Variants in HS6ST3 observed in about 807,000 individuals in gnomAD.
HS6ST3 encodes heparan sulfate 6-O-sulfotransferase 3.
In HS6ST3, 12 loss-of-function variants were observed where a neutral mutation model predicts 36.7. That is an observed-to-expected ratio of 0.33 (90% CI 0.21 to 0.53). The LOEUF (loss-of-function observed/expected upper bound fraction) is 0.53. HS6ST3 is among the 20% of genes least tolerant of loss of function. The pLI is 0.95. For synonymous variants in HS6ST3, 240 were observed against 257.5 expected, an observed-to-expected ratio of 0.93 and a Z score of 0.65; for missense variants, 584 against 640.9, an observed-to-expected ratio of 0.91 and a Z score of 0.96.
intron 1 of HS6ST3, among the ~76,000 whole-genome samples, chr13:96,233,076 A>G (rs910007213): frequency 7.9e-5 from 12 of 152,182 alleles, no homozygotes; most frequent in African/African-American, 2.2e-4. Context: ...TGATTGATAC[A>G]TTGCCTTTTT....
chr13:96,373,170 A>T (rs2055298348), intron 1 of HS6ST3, among the ~76,000 whole-genome samples: 1 of 152,174 alleles, frequency 6.6e-6, no homozygotes, highest in Admixed American at 6.5e-5. Context: ...CATGGGATTT[A>T]AATCCTACTT....
chr13:96,493,505 A>T (rs1418404338), intron 1 of HS6ST3, among the ~76,000 whole-genome samples: 2 of 152,164 alleles, frequency 1.3e-5, no homozygotes. Context: ...TGCAAGATCA[A>T]TGTTATCTTT....
intron 1 of HS6ST3, among the ~76,000 whole-genome samples, chr13:96,102,128 G>T (rs2053821303): frequency 6.6e-6 from 1 of 151,980 alleles, no homozygotes; most frequent in Admixed American, 6.6e-5. Context: ...GTTCCTTATT[G>T]TGCCTTCTGT....
At chr13:96,607,526 G>T (rs1437404298) in intron 1 of HS6ST3, among the ~76,000 whole-genome samples, 1 of 152,140 alleles carries the variant, frequency 6.6e-6, no homozygotes, top group Non-Finnish European at 1.5e-5. Context: ...ATAGTTACTT[G>T]TAGAGCTTAA....
chr13:96,296,820 A>G (rs923500669), intron 1 of HS6ST3, among the ~76,000 whole-genome samples: 2 of 152,056 alleles, frequency 1.3e-5, no homozygotes, highest in African/African-American at 4.8e-5. Flanking sequence ...ATTTCCACCA[A>G]TTTTGCTATA....
intron 1 of HS6ST3, among the ~76,000 whole-genome samples, chr13:96,342,417 A>G (rs1333753139): frequency 6.6e-6 from 1 of 152,158 alleles, no homozygotes; most frequent in African/African-American, 2.4e-5. Flanking sequence ...ATGTGTTGGG[A>G]GTTGAGCTGA....
chr13:96,316,430 A>G (rs1402235087), intron 1 of HS6ST3, among the ~76,000 whole-genome samples: 1 of 152,176 alleles, frequency 6.6e-6, no homozygotes, highest in African/African-American at 2.4e-5. Context: ...GCTCAGCTCC[A>G]TTGCCTCCCT....
chr13:96,346,457 C>T (rs939055614), intron 1 of HS6ST3, among the ~76,000 whole-genome samples: 3 of 151,858 alleles, frequency 2.0e-5, no homozygotes, highest in African/African-American at 7.3e-5. Context: ...GCCTGTAGTC[C>T]TAGCTACATT....
intron 1 of HS6ST3, among the ~76,000 whole-genome samples, chr13:96,556,494 T>G (rs1171480800): frequency 6.6e-6 from 1 of 152,176 alleles, no homozygotes; most frequent in Non-Finnish European, 1.5e-5. Flanking sequence ...AGAAACTCCT[T>G]CTTGGAAATT....
chr13:96,310,603 C>G (rs928314304), intron 1 of HS6ST3, among the ~76,000 whole-genome samples: 1 of 148,734 alleles, frequency 6.7e-6, no homozygotes. Context: ...CTGTCTCCCT[C>G]CCTCCCTGCC....
At chr13:96,818,922 G>A (rs1456591633) in intron 1 of HS6ST3, among the ~76,000 whole-genome samples, 1 of 152,184 alleles carries the variant, frequency 6.6e-6, no homozygotes, top group Admixed American at 6.5e-5. Flanking sequence ...GCCAAAAATT[G>A]GATAAATTGA....
At chr13:96,390,223 C>T (rs2055388867) in intron 1 of HS6ST3, among the ~76,000 whole-genome samples, 1 of 152,148 alleles carries the variant, frequency 6.6e-6, no homozygotes, top group South Asian at 2.1e-4. Flanking sequence ...CAATGATCCT[C>T]TTCCATTAGA....
chr13:96,770,304 G>A (rs1877233517), intron 1 of HS6ST3, among the ~76,000 whole-genome samples: 1 of 152,180 alleles, frequency 6.6e-6, no homozygotes, highest in Admixed American at 6.5e-5. Context: ...GAAAATGGAT[G>A]CTGATTATGT....
At chr13:96,698,585 A>G (rs891174963) in intron 1 of HS6ST3, among the ~76,000 whole-genome samples, 1 of 152,166 alleles carries the variant, frequency 6.6e-6, no homozygotes, top group Non-Finnish European at 1.5e-5. Flanking sequence ...AGAACTGCAA[A>G]CCATTGATCA....
At chr13:96,721,950 A>G (rs1875859770) in intron 1 of HS6ST3, among the ~76,000 whole-genome samples, 1 of 152,180 alleles carries the variant, frequency 6.6e-6, no homozygotes, top group South Asian at 2.1e-4. Flanking sequence ...TTTAACATTT[A>G]AGTAAGAGAT....
chr13:96,803,812 A>G (rs1255233160), intron 1 of HS6ST3, among the ~76,000 whole-genome samples: 2 of 152,138 alleles, frequency 1.3e-5, no homozygotes, highest in South Asian at 4.1e-4. Flanking sequence ...CTATTCCATA[A>G]TGTACTTAAA....
chr13:96,580,768 A>G (rs1280207477), intron 1 of HS6ST3, among the ~76,000 whole-genome samples: 3 of 152,180 alleles, frequency 2.0e-5, no homozygotes, highest in Non-Finnish European at 4.4e-5. Flanking sequence ...GATTTTTCTT[A>G]GAATTCAGGC....
chr13:96,625,141 T>C (rs1314499835), intron 1 of HS6ST3, among the ~76,000 whole-genome samples: 2 of 152,158 alleles, frequency 1.3e-5, no homozygotes, highest in African/African-American at 4.8e-5. Flanking sequence ...ACGTGTGAAT[T>C]AAGGGGCAGT....
intron 1 of HS6ST3, among the ~76,000 whole-genome samples, chr13:96,465,996 T>C (rs1284171185): frequency 2.0e-5 from 3 of 152,094 alleles, no homozygotes; most frequent in Admixed American, 1.3e-4. Context: ...TAAGATCTAC[T>C]ATCTTGTCCG....
Sources: allele counts gnomAD v4.1 joint callset (sites outside exome capture counted in the v4.1 genomes callset), GRCh38; gene constraint gnomAD v4.1.1; transcripts MANE v1.5; gene names NCBI Gene and HGNC (gene_info 2026-07-23, HGNC 2026-07-21).